WIPF2: variants seen among roughly 807,000 people sequenced by gnomAD.
The protein encoded by WIPF2 is WAS/WASL-interacting protein family member 2.
A neutral mutation model predicts 38.8 loss-of-function variants in WIPF2; 23 were observed. That is an observed-to-expected ratio of 0.59 (90% CI 0.43 to 0.84). The LOEUF is 0.84. WIPF2 is among the 40% of genes least tolerant of loss of function. WIPF2 has a pLI of 0.00. For missense variants in WIPF2, 574 were observed against 580.5 expected, an observed-to-expected ratio of 0.99 and a Z score of 0.11; for synonymous variants, 210 against 223.2, an observed-to-expected ratio of 0.94 and a Z score of 0.53.
intron 1 of WIPF2, among the ~76,000 whole-genome samples, chr17:40,220,107 C>T (rs1598458305): frequency 6.7e-6 from 1 of 150,008 alleles, no homozygotes; most frequent in Non-Finnish European, 1.5e-5. Context: ...GTTGAGGGTT[C>T]ATGTTGAAGT....
rs566372761 is a variant in WIPF2 at position 40,260,462 on chromosome 17, C to T, written c.64-73C>T. 193 of 1,561,040 alleles carry T rather than the reference C, an allele frequency of 1.2e-4. 2 individuals carry two copies. In the South Asian group the frequency reaches 2.1e-3, roughly 17 times the overall value. ...TTGGCCTCCCAAAGTGTTGGGATTA[C>T]AGGCGTGAGCCACCGCACCCGGCCG... is the stretch of plus-strand genomic sequence containing the variant. On this transcript the variant is annotated intron_variant, in intron 2 of 7. Transcript: ENST00000323571.
intron 5 of WIPF2, among the ~76,000 whole-genome samples, chr17:40,266,827 C>G (rs1475938094): frequency 6.6e-6 from 1 of 151,866 alleles, no homozygotes; most frequent in African/African-American, 2.4e-5. Context: ...AGAATGTGAT[C>G]GATAGATAAA....
chr17:40,229,396 C>T (rs1389220262), intron 1 of WIPF2, among the ~76,000 whole-genome samples: 2 of 151,832 alleles, frequency 1.3e-5, no homozygotes, highest in East Asian at 1.9e-4. Context: ...TGTGAGCCGC[C>T]GCACCTGGCC....
chr17:40,270,139 G>A (rs1014824328), intron 5 of WIPF2, among the ~76,000 whole-genome samples: 1 of 151,172 alleles, frequency 6.6e-6, no homozygotes, highest in African/African-American at 2.4e-5. Flanking sequence ...GCTGAGGCGG[G>A]CAGATCATGA....
chr17:40,267,648 T>G (rs1394659030), intron 5 of WIPF2, among the ~76,000 whole-genome samples: 4 of 152,186 alleles, frequency 2.6e-5, no homozygotes, highest in Admixed American at 2.0e-4. Context: ...CAAGTGATTG[T>G]TGTGTCTCAG....
In WIPF2 at chr17:40,247,207, G is replaced by GTTT. The variant is rs775838379; in HGVS notation, c.-69-9158_-69-9156dup. Among the ~76,000 whole-genome samples, 55 of 116,976 alleles carry GTTT rather than the reference G, an allele frequency of 4.7e-4. 2 individuals carry two copies. The highest frequency in any genetic ancestry group is 7.3e-4 in the East Asian group (3 of 4,122). The allele number at this position is 116,976 out of a possible 152,430, so 76.7% of individuals were successfully genotyped here. A position where few individuals can be genotyped will look rare whatever the true frequency, so the allele number is the denominator to read the frequency against. On this transcript the variant is annotated intron_variant, in intron 1 of 7. Transcript: ENST00000323571. The stretch of plus-strand genomic sequence containing the variant: ...TCGAAAATTTAATTCTTATTTCAGG[G>GTTT]TTTTTTTTTTTTTTTTTTTTTTTTT...
At chr17:40,245,491 C>A (rs991538415) in intron 1 of WIPF2, among the ~76,000 whole-genome samples, 1 of 151,904 alleles carries the variant, frequency 6.6e-6, no homozygotes, top group Non-Finnish European at 1.5e-5. Context: ...TACAGGCGCC[C>A]GCCACCATGC....
intron 1 of WIPF2, among the ~76,000 whole-genome samples, chr17:40,236,491 A>G (rs1051921889): frequency 3.4e-5 from 5 of 149,044 alleles, no homozygotes; most frequent in South Asian, 2.1e-4. Context: ...GCGTGTGTAG[A>G]GATGGAGTTT....
chr17:40,255,914 C>A (rs1162518106), intron 1 of WIPF2, among the ~76,000 whole-genome samples: 1 of 151,942 alleles, frequency 6.6e-6, no homozygotes, highest in Non-Finnish European at 1.5e-5. Flanking sequence ...GCATGAGCCA[C>A]CGCGCCTGGC....
chr17:40,266,046 G>A (rs976912410), intron 5 of WIPF2, among the ~76,000 whole-genome samples: 3 of 151,988 alleles, frequency 2.0e-5, no homozygotes, highest in East Asian at 1.9e-4. Context: ...GAGAGGTTTC[G>A]GCTAGAGAGA....
chr17:40,267,326 C>T (rs1166924213), intron 5 of WIPF2, among the ~76,000 whole-genome samples: 1 of 151,960 alleles, frequency 6.6e-6, no homozygotes, highest in African/African-American at 2.4e-5. Context: ...AATAATGGAG[C>T]CTAAGCTGGG....
chr17:40,267,673 G>C (rs1320181904), intron 5 of WIPF2, among the ~76,000 whole-genome samples: 1 of 152,156 alleles, frequency 6.6e-6, no homozygotes, highest in Non-Finnish European at 1.5e-5. Flanking sequence ...CTGACTAGCT[G>C]GAATTACAGG....
At chr17:40,272,107 C>T (rs1007744593) in intron 5 of WIPF2, among the ~76,000 whole-genome samples, 1 of 151,806 alleles carries the variant, frequency 6.6e-6, no homozygotes, top group Non-Finnish European at 1.5e-5. Context: ...GCAACCTCCG[C>T]CTCTTGGGTT....
chr17:40,227,068 GT>G (rs1271269759), intron 1 of WIPF2, among the ~76,000 whole-genome samples: 1 of 151,550 alleles, frequency 6.6e-6, no homozygotes, highest in Non-Finnish European at 1.5e-5. Context: ...TTGAGACAGA[GT>G]TTCACTGTGT....
intron 6 of WIPF2, among the ~76,000 whole-genome samples, chr17:40,275,359 T>G (rs2032366796): frequency 6.6e-6 from 1 of 152,174 alleles, no homozygotes; most frequent in African/African-American, 2.4e-5. Flanking sequence ...CTTCCCTTAT[T>G]TGTAAAATTA....
chr17:40,259,436 TAAAAA>T (rs879789712), intron 2 of WIPF2, among the ~76,000 whole-genome samples: 1 of 132,536 alleles, frequency 7.5e-6, no homozygotes. Context: ...GACTCTGTCT[TAAAAA>T]AAAAAAAAAG....
rs533311717 is a variant in WIPF2 at position 40,262,183 on chromosome 17, C to A, written c.197-342C>A. Among the ~76,000 whole-genome samples, 3 of 151,014 alleles carry A rather than the reference C, an allele frequency of 2.0e-5. No homozygotes were observed. In the East Asian group the frequency reaches 5.9e-4, roughly 30 times the overall value. The stretch of plus-strand genomic sequence containing the variant: ...GCAGCCTCGACCTCCCAGGCTCAAT[C>A]GAGCCTCCCATCTCAGCCTCCCGAG... On this transcript the variant is annotated intron_variant, in intron 3 of 7. Transcript: ENST00000323571.
chr17:40,256,645 A>T, intron 2 of WIPF2, 123 bp downstream of exon 2: 1 of 1,300,122 alleles, frequency 7.7e-7, no homozygotes, highest in Admixed American at 3.4e-5. Context: ...TACTAGTAGC[A>T]TTCCTATTCT....
chr17:40,231,117 G>C (rs771365511), intron 1 of WIPF2, among the ~76,000 whole-genome samples: 1 of 152,072 alleles, frequency 6.6e-6, no homozygotes, highest in Non-Finnish European at 1.5e-5. Flanking sequence ...AGTGATCAAG[G>C]GACGGAAATG....
Sources: allele counts gnomAD v4.1 joint callset (sites outside exome capture counted in the v4.1 genomes callset), GRCh38; gene constraint gnomAD v4.1.1; transcripts MANE v1.5; gene names NCBI Gene and HGNC (gene_info 2026-07-23, HGNC 2026-07-21).